The following IL25 variants were observed in gnomAD, a reference collection of about 807,000 sequenced individuals.
The protein encoded by IL25 is interleukin-25.
In IL25, 10 loss-of-function variants were observed where a neutral mutation model predicts 13.2. The ratio of observed to expected loss-of-function variants is 0.76; its 90% CI spans 0.47 to 1.29. The LOEUF (loss-of-function observed/expected upper bound fraction) is 1.29, where lower values mean the gene tolerates loss of function less well. Among genes scored for constraint, IL25 ranks in the 50% most tolerant of loss-of-function variants. IL25 has a pLI of 0.00. For synonymous variants in IL25, 107 were observed against 92.1 expected (o/e 1.16, Z -0.93); for missense variants, 235 against 232.4 (o/e 1.01, Z -0.07).
Position 23,373,369 on chromosome 14 carries a change from GCA to G in IL25, c.252_253del (p.Ser84ArgfsTer9), listed in dbSNP as rs2138558159. Reference sequence around the variant, plus strand: ...GCCAGTGAAGATGGACCCCTCAACAGCAGGGCCATCTCCCCCTGGAGATATGA... The same window carrying G: ...GCCAGTGAAGATGGACCCCTCAACAGGGGCCATCTCCCCCTGGAGATATGA... On this transcript the variant is annotated frameshift_variant, in exon 1 of 2. Coordinates refer to ENST00000329715, the Ensembl canonical transcript of IL25. LOFTEE classifies it high-confidence loss of function. 6.2e-7 allele frequency: 1 copy of G among 1,613,102 alleles called. No individual in the cohort carries two copies. The highest frequency in any genetic ancestry group is 8.5e-7 in the Non-Finnish European group (1 of 1,179,430).
In IL25 at chr14:23,375,776, C is replaced by G. The variant is rs1359119715; in HGVS notation, c.430C>G (p.Pro144Ala). The G allele has an allele frequency of 2.5e-6, 4 of 1,614,132 alleles. No homozygotes were observed. The highest frequency in any genetic ancestry group is 3.4e-6 in the Non-Finnish European group (4 of 1,180,038). The change falls in exon 2 of 2, where the codon CCA becomes GCA. Residue 144 changes from proline to alanine, a missense_variant. Pro to Ala is a conservative substitution (Grantham distance 27). Coordinates refer to ENST00000329715, the Ensembl canonical transcript of IL25. ...CAACCAGACTGTCTTCTACCGGCGG[C>G]CATGCCATGGCGAGAAGGGCACCCA...
chr14:23,375,810 A>G (rs766181482), exon 2 of IL25: 8 of 1,614,238 alleles, frequency 5.0e-6, no homozygotes, highest in Non-Finnish European at 6.8e-6. Flanking sequence ...CACAAGGGCT[A>G]CTGCCTGGAG....
At chr14:23,373,381 C>A (rs758562010) in exon 1 of IL25, 19 of 1,610,006 alleles carry the variant, frequency 1.2e-5, no homozygotes, top group Middle Eastern at 1.7e-4. Flanking sequence ...AGGGCCATCT[C>A]CCCCTGGAGA....
At chr14:23,376,083 C>A (rs1890550835) in exon 2 of IL25, 1 of 657,468 alleles carries the variant, frequency 1.5e-6, no homozygotes, top group South Asian at 2.2e-5. Flanking sequence ...CTTAGGGCCG[C>A]CGGAAGCTGG....
At chr14:23,373,530 G>C (rs10143597) in intron 1 of IL25, 134 bp downstream of exon 2, 3 of 727,050 alleles carry the variant, frequency 4.1e-6, no homozygotes, top group East Asian at 2.7e-5. Flanking sequence ...GTTAGACAAG[G>C]TCTGTATTTG....
exon 2 of IL25, chr14:23,375,834 G>T (rs375340039): frequency 6.2e-7 from 1 of 1,614,242 alleles, no homozygotes; most frequent in East Asian, 2.2e-5. Context: ...AGGCTGTACC[G>T]TGTTTCCTTA....
At chr14:23,373,127 G>C (rs1201798576) in exon 1 of IL25, 5 of 1,613,960 alleles carry the variant, frequency 3.1e-6, no homozygotes, top group Middle Eastern at 3.3e-4. Context: ...AGATGAGGGA[G>C]CGACCCAGAT....
intron 1 of IL25, 63 bp from the exon 3 acceptor site, chr14:23,375,562 G>A: frequency 6.4e-7 from 1 of 1,571,248 alleles, no homozygotes. Context: ...GCACTCCCAT[G>A]CCACCCCACC....
intron 1 of IL25, 133 bp downstream of exon 2, chr14:23,373,529 G>C (rs950671967): frequency 1.3e-6 from 1 of 756,894 alleles, no homozygotes; most frequent in African/African-American, 1.8e-5. Flanking sequence ...AGTTAGACAA[G>C]GTCTGTATTT....
chr14:23,375,694 C>A (rs1457274730), exon 2 of IL25: 2 of 1,614,118 alleles, frequency 1.2e-6, no homozygotes, highest in African/African-American at 2.7e-5. Flanking sequence ...CGCACTGCGT[C>A]AGCCTACAGA....
At chr14:23,376,120 G>A (rs567263500) in exon 2 of IL25, 16 of 553,842 alleles carry the variant, frequency 2.9e-5, no homozygotes, top group Admixed American at 1.4e-4. Context: ...CTCAGGAAAG[G>A]TTTTCAAAGT....
chr14:23,373,202 G>C (rs772406012), exon 1 of IL25: 1 of 1,614,216 alleles, frequency 6.2e-7, no homozygotes, highest in Non-Finnish European at 8.5e-7. Context: ...CAATGGTCAT[G>C]GGAACCCACA....
rs370620741 is a variant in IL25 at position 23,372,958 on chromosome 14, G to A, written c.-161G>A. ...TGCCCCACTTGTGACTGAGTGTGCAGTGCCCAGCATGTACCAGGTCAGTGC... is the reference window on the plus strand; with the variant it reads ...TGCCCCACTTGTGACTGAGTGTGCAATGCCCAGCATGTACCAGGTCAGTGC... On this transcript the variant is annotated 5_prime_UTR_variant, in exon 1 of 2. The change creates a new upstream start codon in the 5' untranslated region. Coordinates refer to ENST00000329715, the Ensembl canonical transcript of IL25. The A allele has an allele frequency of 3.5e-5, 57 of 1,613,468 alleles. No individual in the cohort carries two copies. Among genetic ancestry groups the A allele is most frequent in the Admixed American group, 6.7e-5 (4 of 59,922 alleles).
At chr14:23,374,724 TTCTTTC>T (rs1315500801) in intron 1 of IL25, among the ~76,000 whole-genome samples, 4 of 116,880 alleles carry the variant, frequency 3.4e-5, no homozygotes, top group East Asian at 2.1e-4. Context: ...CTTTCTTTCT[TTCTTTC>T]TTTTTTTTTT....
chr14:23,374,961 T>TATA (rs991400470), intron 1 of IL25, among the ~76,000 whole-genome samples: 1 of 152,096 alleles, frequency 6.6e-6, no homozygotes, highest in Admixed American at 6.6e-5. Flanking sequence ...GCAATAATGC[T>TATA]ATAATAATAA....
At chr14:23,374,733 T>TCTTTCTTTC (rs59079443) in intron 1 of IL25, among the ~76,000 whole-genome samples, 1,041 of 76,714 alleles carry the variant, frequency 0.014, 16 homozygotes, top group African/African-American at 0.059. Flanking sequence ...TTTCTTTCTT[T>TCTTTCTTTC]TTTTTTTTTT....
chr14:23,372,972 C>T (rs1890453455), exon 1 of IL25: 1 of 1,613,808 alleles, frequency 6.2e-7, no homozygotes, highest in East Asian at 2.2e-5. Flanking sequence ...CCAGCATGTA[C>T]CAGGTCAGTG....
At chr14:23,373,207 C>T (rs1273943488) in exon 1 of IL25, 1 of 1,614,100 alleles carries the variant, frequency 6.2e-7, no homozygotes, top group Non-Finnish European at 8.5e-7. Context: ...GTCATGGGAA[C>T]CCACACCTAC....
At chr14:23,372,919 G>A (rs780513267) in exon 1 of IL25, 4 of 1,588,830 alleles carry the variant, frequency 2.5e-6, no homozygotes, top group Non-Finnish European at 3.5e-6. Flanking sequence ...GCTTCCACGA[G>A]GCCTGTCAGT....
Sources: allele counts gnomAD v4.1 joint callset (sites outside exome capture counted in the v4.1 genomes callset), GRCh38; gene constraint gnomAD v4.1.1; transcripts MANE v1.5; gene names NCBI Gene and HGNC (gene_info 2026-07-23, HGNC 2026-07-21).